The following TBCK variants were observed in gnomAD, a reference collection of about 807,000 sequenced individuals.
TBCK encodes TBC1 domain containing kinase.
Under a neutral mutation model 113.4 loss-of-function variants are expected in TBCK, and 99 were observed. The observed-to-expected ratio is 0.87, with a 90% CI of 0.74 to 1.03. The LOEUF is 1.03. Ranked by LOEUF, TBCK falls within the 50% of genes least tolerant of loss-of-function variation. TBCK has a pLI of 0.00. For synonymous variants in TBCK, 369 were observed against 370.8 expected, an observed-to-expected ratio of 1.00 and a Z score of 0.05; for missense variants, 1,045 against 1,061.3, an observed-to-expected ratio of 0.98 and a Z score of 0.21.
At chr4:106,093,369 T>C (rs979079561) in intron 25 of TBCK, among the ~76,000 whole-genome samples, 1 of 152,040 alleles carries the variant, frequency 6.6e-6, no homozygotes, top group Admixed American at 6.5e-5. Context: ...TAGCTGGGCG[T>C]GGTGGTGGGT....
At chr4:106,176,326 C>T (rs762448151) in intron 22 of TBCK, among the ~76,000 whole-genome samples, 2 of 151,998 alleles carry the variant, frequency 1.3e-5, no homozygotes, top group Non-Finnish European at 2.9e-5. Context: ...TCATCCCCAT[C>T]CCCCAGCCCA....
intron 12 of TBCK, among the ~76,000 whole-genome samples, chr4:106,239,374 G>A (rs1759830674): frequency 1.3e-5 from 2 of 152,060 alleles, no homozygotes; most frequent in South Asian, 2.1e-4. Context: ...ACTTTACTAT[G>A]ATATTAATAG....
intron 25 of TBCK, among the ~76,000 whole-genome samples, chr4:106,088,088 C>G (rs1739726370): frequency 6.6e-6 from 1 of 152,124 alleles, no homozygotes; most frequent in South Asian, 2.1e-4. Flanking sequence ...GTAACAAAAG[C>G]CAAAATTGAC....
At position 106,046,520 on chromosome 4, in the gene TBCK, C is replaced by T. The variant is rs141877142; in HGVS notation, c.*50G>A. ...AGTGGCGTGGATATGAAGAACTGTG[C>T]TGTTGGTGCTGATGCCACACTAAGT... On this transcript the variant is annotated 3_prime_UTR_variant, in exon 26 of 26. Transcript: ENST00000394708. 5.4e-5 allele frequency: 52 copies of T among 968,016 alleles called. No homozygotes were observed. The East Asian group carries it at 1.2e-3, about 23-fold the overall frequency. 60.0% of individuals were successfully genotyped at this position (968,016 alleles called of 1,614,324 possible).
At chr4:106,112,839 C>T (rs1418438089) in intron 24 of TBCK, among the ~76,000 whole-genome samples, 1 of 152,144 alleles carries the variant, frequency 6.6e-6, no homozygotes, top group African/African-American at 2.4e-5. Flanking sequence ...AATTTTTCCA[C>T]CAAAACTGGA....
At chr4:106,192,206 C>T (rs1753747817) in intron 22 of TBCK, among the ~76,000 whole-genome samples, 2 of 151,986 alleles carry the variant, frequency 1.3e-5, no homozygotes, top group African/African-American at 4.8e-5. Flanking sequence ...AGATGCTTCA[C>T]CAGTGTTTAA....
intron 20 of TBCK, among the ~76,000 whole-genome samples, chr4:106,211,174 T>C (rs1031101716): frequency 7.2e-5 from 11 of 152,266 alleles, no homozygotes; most frequent in African/African-American, 2.6e-4. Flanking sequence ...AAAATAATTA[T>C]CTTTTTTAGT....
At chr4:106,067,493 C>G (rs1191703366) in intron 25 of TBCK, among the ~76,000 whole-genome samples, 1 of 152,058 alleles carries the variant, frequency 6.6e-6, no homozygotes, top group Non-Finnish European at 1.5e-5. Context: ...CTTTGAAGCA[C>G]AAATTCTTAC....
intron 2 of TBCK, among the ~76,000 whole-genome samples, chr4:106,296,820 T>C (rs992393945): frequency 1.3e-5 from 2 of 151,850 alleles, no homozygotes; most frequent in Non-Finnish European, 2.9e-5. Context: ...AAATTAACTT[T>C]AAAAGAACAC....
Position 106,190,697 on chromosome 4 carries a change from C to T in TBCK, c.2059+2912G>A, listed in dbSNP as rs9993242. On this transcript the variant is annotated intron_variant, in intron 22 of 25. Coordinates refer to ENST00000394708, the MANE Select transcript of TBCK (RefSeq NM_001163435.3). ...TTCTTGTCCTACTTATCCAAATACA[C>T]GCAGAACACATTCAATCTAAACATA... 3.7e-3 allele frequency among the ~76,000 whole-genome samples: 565 copies of T among 152,110 alleles called. 3 individuals carry two copies. The highest frequency in any genetic ancestry group is 0.013 in the African/African-American group (529 of 41,522).
chr4:106,292,569 C>CA (rs36032025), intron 3 of TBCK, among the ~76,000 whole-genome samples: 19,705 of 115,672 alleles, frequency 0.17, 1,538 homozygotes, highest in South Asian at 0.27. Context: ...GACTCCATCT[C>CA]AAAAAAAAAA....
chr4:106,248,176 A>C (rs1341803377), intron 9 of TBCK, 69 bp downstream of exon 9: 1 of 1,046,896 alleles, frequency 9.6e-7, no homozygotes, highest in African/African-American at 1.7e-5. Context: ...TTATATTAAA[A>C]CAAGAAAAAA....
chr4:106,234,625 G>A (rs1467122658), intron 15 of TBCK, among the ~76,000 whole-genome samples: 3 of 151,976 alleles, frequency 2.0e-5, no homozygotes, highest in Non-Finnish European at 2.9e-5. Flanking sequence ...CTTTAAAAAG[G>A]AAGGATAATT....
chr4:106,137,252 T>C (rs1309304514), intron 23 of TBCK, among the ~76,000 whole-genome samples: 1 of 140,740 alleles, frequency 7.1e-6, no homozygotes, highest in Non-Finnish European at 1.6e-5. Context: ...TTGACAAATA[T>C]CTCAATTTTG....
intron 23 of TBCK, among the ~76,000 whole-genome samples, chr4:106,116,680 C>CT (rs1415606641): frequency 6.6e-6 from 1 of 152,148 alleles, no homozygotes; most frequent in African/African-American, 2.4e-5. Context: ...GCTCCGCCTC[C>CT]TGTCAGATCA....
chr4:106,283,500 T>A (rs571074620), intron 3 of TBCK, among the ~76,000 whole-genome samples: 106 of 152,118 alleles, frequency 7.0e-4, no homozygotes, highest in South Asian at 6.2e-4. Flanking sequence ...TGCTGTACAT[T>A]GCACTAAAGA....
intron 19 of TBCK, among the ~76,000 whole-genome samples, chr4:106,224,715 T>C (rs1018720802): frequency 6.6e-6 from 1 of 152,178 alleles, no homozygotes; most frequent in Non-Finnish European, 1.5e-5. Context: ...CATCTCTCTT[T>C]CCTACCCGAC....
At chr4:106,294,263 C>T (rs576885882) in intron 3 of TBCK, among the ~76,000 whole-genome samples, 2 of 151,264 alleles carry the variant, frequency 1.3e-5, no homozygotes, top group African/African-American at 2.4e-5. Context: ...CATCGCGGCT[C>T]ACCACAACCT....
chr4:106,197,965 T>G (rs965616459), intron 20 of TBCK, among the ~76,000 whole-genome samples: 5 of 152,210 alleles, frequency 3.3e-5, no homozygotes, highest in Non-Finnish European at 7.3e-5. Context: ...AGGTTCTACC[T>G]GGTCCAATAT....
Sources: gnomAD v4.1 joint callset for allele counts (sites outside exome capture counted in the v4.1 genomes callset) on GRCh38, gnomAD v4.1.1 for gene constraint, MANE v1.5 for transcripts, NCBI Gene and HGNC (gene_info 2026-07-23, HGNC 2026-07-21) for gene names.